Variants in TSHZ1 observed in about 807,000 individuals in gnomAD.
The protein encoded by TSHZ1 is teashirt zinc finger homeobox 1, also known as teashirt homolog 1.
TSHZ1 carries 12 observed loss-of-function variants against 67.1 expected under a neutral mutation model. That is an observed-to-expected ratio of 0.18 (90% CI 0.11 to 0.29). The LOEUF is 0.29. TSHZ1 is among the 10% of genes least tolerant of loss of function. The pLI is 1.00. For missense variants in TSHZ1, 1,305 were observed against 1,413.9 expected, an observed-to-expected ratio of 0.92 and a Z score of 1.23; for synonymous variants, 632 against 622.4, an observed-to-expected ratio of 1.02 and a Z score of -0.23.
intron 1 of TSHZ1, among the ~76,000 whole-genome samples, chr18:75,228,184 A>T (rs1684044700): frequency 6.6e-6 from 1 of 152,204 alleles, no homozygotes; most frequent in African/African-American, 2.4e-5. Context: ...TTCTTACTGC[A>T]AGGAAACAAG....
chr18:75,227,188 A>C (rs2022937378), intron 1 of TSHZ1, among the ~76,000 whole-genome samples: 1 of 152,032 alleles, frequency 6.6e-6, no homozygotes, highest in African/African-American at 2.4e-5. Context: ...TGGTATCCAA[A>C]TTCATAGGTC....
In TSHZ1 at chr18:75,286,843, C is replaced by T. The variant is rs373073484; in HGVS notation, c.1436C>T (p.Pro479Leu). The T allele has an allele frequency of 4.3e-5, 70 of 1,613,980 alleles. No homozygotes were observed. The Middle Eastern group carries it at 1.2e-3, about 27-fold the overall frequency. The change falls in exon 2 of 2, where the codon CCG becomes CTG. Residue 479 changes from proline to leucine, a missense_variant. Pro to Leu is a moderately conservative substitution (Grantham distance 98). Around this residue, in one of 3 missense-constraint regions of TSHZ1, gnomAD observed 909 missense variants for 961.8 expected, o/e 0.95. Coordinates refer to ENST00000580243, the MANE Select transcript of TSHZ1 (RefSeq NM_001308210.2). This position sits in a 1 kb window ranked among gnomAD's most constrained non-coding sequence, Gnocchi z 5.1. The part of the protein sequence containing the change: ...PLPPTTHTRL[P>L]ASSIKKQPDS... ...CCGCCCACCACCCACACGCGGCTGC[C>T]GGCCTCCAGCATCAAAAAGCAGCCC...
chr18:75,258,523 T>C (rs1243890050), intron 1 of TSHZ1, among the ~76,000 whole-genome samples: 1 of 152,204 alleles, frequency 6.6e-6, no homozygotes, highest in Non-Finnish European at 1.5e-5. Flanking sequence ...AATAAAGATT[T>C]CTTTATTTGG....
chr18:75,257,938 C>T (rs1341006495), intron 1 of TSHZ1, among the ~76,000 whole-genome samples: 2 of 152,184 alleles, frequency 1.3e-5, no homozygotes, highest in Non-Finnish European at 2.9e-5. Context: ...GGGCTGCACA[C>T]GGGGCTGTGG....
rs886399490 is a variant in TSHZ1 at position 75,266,668 on chromosome 18, C to T, written c.41-18780C>T. Among the ~76,000 whole-genome samples the T allele has an allele frequency of 3.3e-5, 5 of 152,164 alleles. No homozygotes were observed. The South Asian group carries it at 1.0e-3, about 32-fold the overall frequency. Reference sequence around the variant, plus strand: ...AGCTTAAATTTTCTTTCACCTACCACCTGCAGACTGCAATTGATGGTGCCT... The same window carrying T: ...AGCTTAAATTTTCTTTCACCTACCATCTGCAGACTGCAATTGATGGTGCCT... On this transcript the variant is annotated intron_variant, in intron 1 of 1. Transcript: ENST00000580243.
chr18:75,251,747 G>T (rs2023307146), intron 1 of TSHZ1, among the ~76,000 whole-genome samples: 1 of 151,952 alleles, frequency 6.6e-6, no homozygotes, highest in Non-Finnish European at 1.5e-5. Flanking sequence ...ATGAGACAAA[G>T]GTATTTTTTC....
chr18:75,285,323 G>A, intron 1 of TSHZ1, 125 bp from the exon 2 acceptor site: 2 of 1,199,992 alleles, frequency 1.7e-6, no homozygotes, highest in South Asian at 2.0e-5. Flanking sequence ...TGTAAACTTG[G>A]GGTAGCCTTG....
intron 1 of TSHZ1, among the ~76,000 whole-genome samples, chr18:75,264,699 T>G (rs892123543): frequency 1.3e-5 from 2 of 152,200 alleles, no homozygotes; most frequent in Admixed American, 1.3e-4. Context: ...GGGAAGGAAC[T>G]GTGTAGATAC....
intron 1 of TSHZ1, among the ~76,000 whole-genome samples, chr18:75,256,285 G>A (rs546726759): frequency 2.0e-5 from 3 of 152,282 alleles, no homozygotes; most frequent in South Asian, 2.1e-4. Context: ...TTTGGTAGCA[G>A]GGGAGCTGTT....
At chr18:75,258,543 A>G (rs1475837343) in intron 1 of TSHZ1, among the ~76,000 whole-genome samples, 3 of 152,330 alleles carry the variant, frequency 2.0e-5, no homozygotes, top group South Asian at 2.1e-4. Flanking sequence ...GGAAAAAGGG[A>G]AATTTTTTTC....
intron 1 of TSHZ1, among the ~76,000 whole-genome samples, chr18:75,234,546 A>G (rs1017714018): frequency 6.6e-6 from 1 of 152,176 alleles, no homozygotes; most frequent in Non-Finnish European, 1.5e-5. Flanking sequence ...CTCTGGGAAT[A>G]ATAACTGCTT....
In TSHZ1 at chr18:75,287,945, C is replaced by G. The variant is rs374807933; in HGVS notation, c.2538C>G (p.Asn846Lys). 5 of 1,614,114 alleles carry G rather than the reference C, an allele frequency of 3.1e-6. No individual in the cohort carries two copies. The highest frequency in any genetic ancestry group is 4.2e-6 in the Non-Finnish European group (5 of 1,180,060). Reference protein sequence around the residue: ...ALMDISDMVKNLTGRLTPKSS... With the variant: ...ALMDISDMVKKLTGRLTPKSS... ...TGGACATCTCCGACATGGTGAAAAA[C>G]CTCACAGGCCGCCTGACGCCCAAGT... Residue 846 changes from asparagine (N) to lysine (K), a missense_variant, in exon 2 of 2, where the codon AAC (asparagine) becomes AAG (lysine). By Grantham distance (94) the Asn-to-Lys change is moderately conservative (BLOSUM62 0). Coordinates refer to ENST00000580243, the MANE Select transcript of TSHZ1 (RefSeq NM_001308210.2). This position sits in a 1 kb window ranked among gnomAD's most constrained non-coding sequence, Gnocchi z 5.0.
chr18:75,279,883 G>A (rs1472531656), intron 1 of TSHZ1, among the ~76,000 whole-genome samples: 3 of 152,172 alleles, frequency 2.0e-5, no homozygotes, highest in Admixed American at 1.3e-4. Flanking sequence ...TGCTTCTAGC[G>A]AATTTATTCC....
intron 1 of TSHZ1, among the ~76,000 whole-genome samples, chr18:75,238,021 A>G (rs1161529853): frequency 2.6e-5 from 4 of 152,132 alleles, no homozygotes; most frequent in African/African-American, 7.2e-5. Flanking sequence ...CATGTTGGTC[A>G]GGCTGGGCAC....
At chr18:75,244,328 A>T (rs1358642681) in intron 1 of TSHZ1, among the ~76,000 whole-genome samples, 2 of 151,982 alleles carry the variant, frequency 1.3e-5, no homozygotes, top group Non-Finnish European at 2.9e-5. Flanking sequence ...TGTAGCTCCG[A>T]TGGTTTCCGG....
chr18:75,256,192 C>T (rs551175256), intron 1 of TSHZ1, among the ~76,000 whole-genome samples: 13 of 152,248 alleles, frequency 8.5e-5, no homozygotes, highest in African/African-American at 1.2e-4. Flanking sequence ...TAATTTTCAA[C>T]GGTAGTATTG....
rs1039637313 is a variant in TSHZ1, at chr18:75,281,836, A to T, written c.41-3612A>T. ...GGGGGCATGCTAGGTGCGGGCAGGGAGAGCCCGAACCTGTGGGGGCCCAGC... is the reference window on the plus strand; with the variant it reads ...GGGGGCATGCTAGGTGCGGGCAGGGTGAGCCCGAACCTGTGGGGGCCCAGC... On this transcript the variant is annotated intron_variant, in intron 1 of 1. Transcript: ENST00000580243. This position sits in a 1 kb window ranked among gnomAD's most constrained non-coding sequence, Gnocchi z 5.3. Among the ~76,000 whole-genome samples the T allele has an allele frequency of 6.6e-6, 1 of 152,048 alleles. No homozygotes were observed. Among genetic ancestry groups the T allele is most frequent in the Non-Finnish European group, 1.5e-5 (1 of 67,970 alleles).
Position 75,287,645 on chromosome 18 carries a change from G to C in TSHZ1, c.2238G>C (p.Leu746=). The change falls in exon 2 of 2, where the codon CTG becomes CTC. Residue 746 remains leucine, a synonymous_variant. Coordinates refer to ENST00000580243, the MANE Select transcript of TSHZ1 (RefSeq NM_001308210.2). The surrounding 1 kb of genome is among the most constrained non-coding windows in gnomAD (Gnocchi z 5.0). ...HSPEPSFINP[L]SALQSIMNTH... The stretch of plus-strand genomic sequence containing the variant: ...CGGAGCCTTCCTTCATCAACCCGCT[G>C]AGCGCTTTGCAGTCCATCATGAACA... 1 of 1,614,186 alleles carries C rather than the reference G, an allele frequency of 6.2e-7. No individual in the cohort carries two copies. The highest frequency in any genetic ancestry group is 1.1e-5 in the South Asian group (1 of 91,082).
In TSHZ1 at chr18:75,287,072, G is replaced by A. The variant is rs2023781078; in HGVS notation, c.1665G>A (p.Leu555=). ...PKGGLDILKS[L]ENTVSTAISK... ...GAGGGCTGGACATTCTCAAGTCCCT[G>A]GAGAATACCGTCTCCACGGCCATTA... The change falls in exon 2 of 2, where the codon CTG becomes CTA. Residue 555 remains leucine, a synonymous_variant. Coordinates refer to ENST00000580243, the MANE Select transcript of TSHZ1 (RefSeq NM_001308210.2). The surrounding 1 kb of genome is among the most constrained non-coding windows in gnomAD (Gnocchi z 5.0). The A allele has an allele frequency of 1.2e-6, 2 of 1,613,988 alleles. No homozygotes were observed. Among genetic ancestry groups the A allele is most frequent in the Non-Finnish European group, 1.7e-6 (2 of 1,180,040 alleles).
Sources: allele counts gnomAD v4.1 joint callset (sites outside exome capture counted in the v4.1 genomes callset), GRCh38; gene constraint gnomAD v4.1.1; regional missense constraint gnomAD v4.1.1; non-coding constraint Gnocchi (gnomAD v3.1); transcripts MANE v1.5; gene names NCBI Gene and HGNC (gene_info 2026-07-23, HGNC 2026-07-21).